Variants in DDR2 observed in about 807,000 individuals in gnomAD.
The protein encoded by DDR2 is discoidin domain-containing receptor 2.
DDR2 carries 27 observed loss-of-function variants against 94.9 expected under a neutral mutation model. That is an observed-to-expected ratio of 0.28 (90% CI 0.21 to 0.39). The LOEUF is 0.39. DDR2 is among the 10% of genes least tolerant of loss of function. The probability of loss-of-function intolerance (pLI) is 1.00; values close to 1 mark genes in which losing one functional copy is unlikely to be tolerated. For missense variants in DDR2, 783 were observed against 1,076.0 expected (o/e 0.73, Z 3.81); for synonymous variants, 382 against 377.2 (o/e 1.01, Z -0.15).
At chr1:162,729,796 T>C (rs1240732798) in intron 3 of DDR2, among the ~76,000 whole-genome samples, 1 of 151,720 alleles carries the variant, frequency 6.6e-6, no homozygotes, top group Admixed American at 6.6e-5. Flanking sequence ...CAGGCTGGAG[T>C]GCAATGGCGC....
intron 2 of DDR2, among the ~76,000 whole-genome samples, chr1:162,669,731 A>T (rs971665379): frequency 6.6e-6 from 1 of 152,248 alleles, no homozygotes; most frequent in African/African-American, 2.4e-5. Flanking sequence ...TTATGAATAC[A>T]GTAATTCTTC....
At chr1:162,675,677 G>T (rs527440450) in intron 2 of DDR2, among the ~76,000 whole-genome samples, 6 of 152,340 alleles carry the variant, frequency 3.9e-5, no homozygotes, top group African/African-American at 1.4e-4. Flanking sequence ...GATCATGGAA[G>T]GCCTTGTGTA....
At chr1:162,709,428 G>GAGC (rs1660797948) in intron 2 of DDR2, among the ~76,000 whole-genome samples, 1 of 152,244 alleles carries the variant, frequency 6.6e-6, no homozygotes, top group Admixed American at 6.5e-5. Flanking sequence ...CCTTGCCTGT[G>GAGC]AGCAGCTGCT....
chr1:162,652,767 A>G (rs1657766657), intron 1 of DDR2, among the ~76,000 whole-genome samples: 1 of 152,238 alleles, frequency 6.6e-6, no homozygotes. Flanking sequence ...TTGTACAGCT[A>G]GTAAATCTGA....
At chr1:162,772,477 A>G in intron 13 of DDR2, 1 of 552,038 alleles carries the variant, frequency 1.8e-6, no homozygotes, top group Middle Eastern at 4.8e-4. Context: ...AAGGCAGGCA[A>G]GTCACTAGAC....
At chr1:162,712,438 T>C (rs79075285) in intron 2 of DDR2, among the ~76,000 whole-genome samples, 2 of 151,924 alleles carry the variant, frequency 1.3e-5, no homozygotes, top group African/African-American at 2.4e-5. Flanking sequence ...CTCAGACTCT[T>C]GCTTTTTTCT....
rs145879438 is a variant in DDR2 at position 162,721,679 on chromosome 1, A to T, written c.82+2534A>T. Among the ~76,000 whole-genome samples, 335 of 152,330 alleles carry T rather than the reference A, an allele frequency of 2.2e-3. 3 individuals carry two copies. The highest frequency in any genetic ancestry group is 7.7e-3 in the African/African-American group (320 of 41,584). ...AGACTGACTATAACTGAAAGTATTG[A>T]AAGGTAACTGAAGGCACTGAAAGAC... is the stretch of plus-strand genomic sequence containing the variant. On this transcript the variant is annotated intron_variant, in intron 3 of 17. Transcript: ENST00000367921.
chr1:162,775,569 A>T, intron 14 of DDR2, 83 bp from the exon 15 acceptor site: 1 of 1,448,948 alleles, frequency 6.9e-7, no homozygotes, highest in Non-Finnish European at 9.6e-7. Flanking sequence ...AATGTCCAGG[A>T]ATAGGCCTTG....
At chr1:162,758,076 G>A (rs149528913) in intron 7 of DDR2, among the ~76,000 whole-genome samples, 1 of 152,246 alleles carries the variant, frequency 6.6e-6, no homozygotes, top group East Asian at 1.9e-4. Context: ...GGATGATGAT[G>A]GATTTAGTTT....
chr1:162,727,398 G>C (rs1343619026), intron 3 of DDR2, among the ~76,000 whole-genome samples: 1 of 143,172 alleles, frequency 7.0e-6, no homozygotes, highest in Non-Finnish European at 1.5e-5. Context: ...CTATATTTAT[G>C]TGTGTATATT....
rs66715052 is a variant in DDR2 at position 162,650,289 on chromosome 1, TAA to T, written c.-191-4913_-191-4912del. 3.8e-3 allele frequency among the ~76,000 whole-genome samples: 545 copies of T among 143,952 alleles called. 1 individual carries two copies. The highest frequency in any genetic ancestry group is 0.013 in the African/African-American group (519 of 40,442). The allele number at this position is 143,952 out of a possible 152,430, so 94.4% of individuals were successfully genotyped here. On this transcript the variant is annotated intron_variant, in intron 1 of 17. Coordinates refer to ENST00000367921, the MANE Select transcript of DDR2 (RefSeq NM_006182.4). ...TTACAAACCAATTCCTCCTCCACGTTAAAAAAAAAATAATAATAATAACAGGC... is the reference window on the plus strand; with the variant it reads ...TTACAAACCAATTCCTCCTCCACGTTAAAAAAAATAATAATAATAACAGGC...
At chr1:162,711,619 C>G (rs1167047355) in intron 2 of DDR2, among the ~76,000 whole-genome samples, 1 of 152,184 alleles carries the variant, frequency 6.6e-6, no homozygotes, top group African/African-American at 2.4e-5. Flanking sequence ...TTTGTTGGAG[C>G]AAAAGATCCA....
chr1:162,757,178 T>C (rs147711199), intron 7 of DDR2, among the ~76,000 whole-genome samples: 2,056 of 152,334 alleles, frequency 0.013, 25 homozygotes, highest in Non-Finnish European at 0.022. Flanking sequence ...GTTACTTCTG[T>C]TTGCTACAAG....
intron 2 of DDR2, among the ~76,000 whole-genome samples, chr1:162,681,369 T>C (rs1659388058): frequency 6.6e-6 from 1 of 152,176 alleles, no homozygotes; most frequent in Admixed American, 6.5e-5. Flanking sequence ...CTCTCCTCTC[T>C]GGTGACAGTG....
chr1:162,693,276 A>ATGTCACGTATGTCACGTAAATT (rs1660038976), intron 2 of DDR2, among the ~76,000 whole-genome samples: 1 of 152,146 alleles, frequency 6.6e-6, no homozygotes, highest in African/African-American at 2.4e-5. Flanking sequence ...TTTGTCATTG[A>ATGTCACGTATGTCACGTAAATT]GCTTTACGTG....
In DDR2 at chr1:162,755,729, T is replaced by C. The variant is rs762600142; in HGVS notation, c.631T>C (p.Tyr211His). 4 of 1,614,188 alleles carry C rather than the reference T, an allele frequency of 2.5e-6. No individual in the cohort carries two copies. The highest frequency in any genetic ancestry group is 2.5e-6 in the Non-Finnish European group (3 of 1,179,996). The change falls in exon 7 of 18, where the codon TAT becomes CAT. Residue 211 changes from tyrosine (Y) to histidine (H), a missense_variant. Coordinates refer to ENST00000367921, the MANE Select transcript of DDR2 (RefSeq NM_006182.4). ...QFVLPGGSII[Y>H]LNDSVYDGAV... Reference sequence around the variant, plus strand: ...TGTACTCCCTGGAGGTTCCATCATTTATCTGAATGATTCTGTCTATGATGG... The same window carrying C: ...TGTACTCCCTGGAGGTTCCATCATTCATCTGAATGATTCTGTCTATGATGG...
At chr1:162,688,448 A>G (rs1030493472) in intron 2 of DDR2, among the ~76,000 whole-genome samples, 8 of 152,384 alleles carry the variant, frequency 5.2e-5, no homozygotes, top group Admixed American at 4.6e-4. Flanking sequence ...CAACTGAGGC[A>G]CAGAGATGTT....
Position 162,670,666 on chromosome 1 carries a change from T to C in DDR2, c.-28+15292T>C, listed in dbSNP as rs1030327873. Among the ~76,000 whole-genome samples, 22 of 11,238 alleles carry C rather than the reference T, an allele frequency of 2.0e-3. No homozygotes were observed. In the Non-Finnish European group the frequency reaches 0.037, roughly 19 times the overall value. 7.4% of individuals were successfully genotyped at this position (11,238 alleles called of 152,430 possible). On this transcript the variant is annotated intron_variant, in intron 2 of 17. Coordinates refer to ENST00000367921, the MANE Select transcript of DDR2 (RefSeq NM_006182.4). ...CTGGGCATTAATAATTTAGCTAATA[T>C]AAACCCAATACTTTGGATACGATTG...
intron 2 of DDR2, among the ~76,000 whole-genome samples, chr1:162,681,086 G>A (rs1659376527): frequency 6.6e-6 from 1 of 152,170 alleles, no homozygotes; most frequent in Non-Finnish European, 1.5e-5. Flanking sequence ...CCTGGGCTCT[G>A]CTTCCCCTTT....
Sources: allele counts gnomAD v4.1 joint callset (sites outside exome capture counted in the v4.1 genomes callset), GRCh38; gene constraint gnomAD v4.1.1; transcripts MANE v1.5; gene names NCBI Gene and HGNC (gene_info 2026-07-23, HGNC 2026-07-21).